AP2A2: variants seen among roughly 807,000 people sequenced by gnomAD.
AP2A2 encodes the protein AP-2 complex subunit alpha-2.
Under a neutral mutation model 104.2 loss-of-function variants are expected in AP2A2, and 32 were observed. The ratio of observed to expected loss-of-function variants is 0.31; its 90% CI spans 0.23 to 0.41. The LOEUF is 0.41. AP2A2 is among the 10% of genes least tolerant of loss of function. AP2A2 has a pLI of 1.00. For synonymous variants in AP2A2, 539 were observed against 533.3 expected, an observed-to-expected ratio of 1.01 and a Z score of -0.15; for missense variants, 912 against 1,261.0, an observed-to-expected ratio of 0.72 and a Z score of 4.19.
intron 1 of AP2A2, among the ~76,000 whole-genome samples, chr11:950,799 G>C (rs1854025771): frequency 6.6e-6 from 1 of 152,122 alleles, no homozygotes; most frequent in Non-Finnish European, 1.5e-5. Flanking sequence ...AAAAATTGAT[G>C]AAGTGTTAGG....
chr11:994,061 T>C lies in AP2A2; in HGVS notation c.1783-11T>C. On this transcript the variant is annotated splice_polypyrimidine_tract_variant and intron_variant, in intron 13 of 21. Coordinates refer to ENST00000448903, the MANE Select transcript of AP2A2 (RefSeq NM_012305.4). ...GAGCTCTGACCAGTCCCACCCTGTG[T>C]TCTTTCCAAGGCGACCGTGCTGGAG... is the stretch of plus-strand genomic sequence containing the variant. The C allele has an allele frequency of 1.9e-6, 3 of 1,612,346 alleles. No homozygotes were observed. The highest frequency in any genetic ancestry group is 2.5e-6 in the Non-Finnish European group (3 of 1,179,562).
chr11:965,489 C>T (rs998168333), intron 2 of AP2A2, among the ~76,000 whole-genome samples: 1 of 152,162 alleles, frequency 6.6e-6, no homozygotes, highest in African/African-American at 2.4e-5. Flanking sequence ...TAGGTGTGAC[C>T]ATCTGATGTG....
chr11:979,882 A>T (rs1056416389), intron 5 of AP2A2, among the ~76,000 whole-genome samples: 5 of 152,204 alleles, frequency 3.3e-5, no homozygotes, highest in African/African-American at 1.2e-4. Context: ...ACACTTCCTG[A>T]GCTCACTGTT....
chr11:941,469 A>T (rs539671207), intron 1 of AP2A2, among the ~76,000 whole-genome samples: 8 of 151,950 alleles, frequency 5.3e-5, no homozygotes, highest in Non-Finnish European at 1.0e-4. Context: ...TTTTTTAGAG[A>T]TGGGGTCTTA....
At chr11:1,009,497 G>T in intron 20 of AP2A2, 100 bp downstream of exon 20, 1 of 1,400,310 alleles carries the variant, frequency 7.1e-7, no homozygotes, top group Non-Finnish European at 9.8e-7. Flanking sequence ...CCATGACCCC[G>T]CGCCAGGGTC....
intron 2 of AP2A2, among the ~76,000 whole-genome samples, chr11:967,732 A>G (rs1854669899): frequency 1.3e-5 from 2 of 152,132 alleles, no homozygotes; most frequent in African/African-American, 2.4e-5. Flanking sequence ...TGAGACCACA[A>G]GACAAGCAAG....
chr11:935,248 G>T (rs115117061), intron 1 of AP2A2, among the ~76,000 whole-genome samples: 1 of 151,990 alleles, frequency 6.6e-6, no homozygotes, highest in East Asian at 1.9e-4. Context: ...TAGTAGAGAC[G>T]GACTTTCACC....
chr11:1,007,639 C>G (rs1856254847), intron 17 of AP2A2: 2 of 303,804 alleles, frequency 6.6e-6, no homozygotes, highest in South Asian at 6.7e-5. Context: ...CTCGCTGTTT[C>G]AGGAGCCTGC....
At chr11:954,882 T>C (rs1261764568) in intron 1 of AP2A2, among the ~76,000 whole-genome samples, 1 of 152,234 alleles carries the variant, frequency 6.6e-6, no homozygotes, top group African/African-American at 2.4e-5. Context: ...CTCTACATTA[T>C]GTGCTGTTTG....
At chr11:937,120 A>G (rs1485451356) in intron 1 of AP2A2, among the ~76,000 whole-genome samples, 1 of 151,956 alleles carries the variant, frequency 6.6e-6, no homozygotes, top group East Asian at 1.9e-4. Flanking sequence ...TCTGGGTTCA[A>G]GTGATTCTCC....
chr11:993,701 T>C lies in AP2A2; in HGVS notation c.1551-53T>C. ...CCGTCCCCCCCCCGCGGGGGCGTGC[T>C]GCAGCCTGCGAGGGGACGACGGTGT... On this transcript the variant is annotated intron_variant, in intron 12 of 21. Coordinates refer to ENST00000448903, the MANE Select transcript of AP2A2 (RefSeq NM_012305.4). The surrounding 1 kb of genome is among the most constrained non-coding windows in gnomAD (Gnocchi z 8.2). The C allele has an allele frequency of 7.0e-7, 1 of 1,420,854 alleles. No individual in the cohort carries two copies. The allele number at this position is 1,420,854 out of a possible 1,614,324, so 88.0% of individuals were successfully genotyped here.
chr11:985,746 C>A, intron 8 of AP2A2, 164 bp downstream of exon 8: 1 of 994,812 alleles, frequency 1.0e-6, no homozygotes, highest in Non-Finnish European at 1.5e-6. Context: ...TTCTGTGCAG[C>A]CCGGCCCCTC....
At chr11:983,672 C>CAT (rs1554889419) in intron 6 of AP2A2, among the ~76,000 whole-genome samples, 2 of 152,182 alleles carry the variant, frequency 1.3e-5, no homozygotes, top group African/African-American at 2.4e-5. Flanking sequence ...CGGGAGCCAC[C>CAT]GCACCTGGCC....
intron 18 of AP2A2, chr11:1,008,408 T>C (rs1856283880): frequency 9.6e-6 from 4 of 416,816 alleles, no homozygotes; most frequent in Admixed American, 4.2e-5. Context: ...GCCCACCTCA[T>C]GGGGTGGCAG....
chr11:1,009,878 C>T lies in AP2A2; in HGVS notation c.2742+61C>T, dbSNP rs781051358. 70 of 1,512,218 alleles carry T rather than the reference C, an allele frequency of 4.6e-5. 1 individual carries two copies. The highest frequency in any genetic ancestry group is 2.0e-4 in the East Asian group (8 of 40,050). The allele number at this position is 1,512,218 out of a possible 1,614,324, so 93.7% of individuals were successfully genotyped here. A position where few individuals can be genotyped will look rare whatever the true frequency, so the allele number is the denominator to read the frequency against. ...TTGCTTTTTATTCTGGCACAATGTA[C>T]GTGGTGAGATGTGTAGCTCTTTAGT... is the stretch of plus-strand genomic sequence containing the variant. On this transcript the variant is annotated intron_variant, in intron 21 of 21. Transcript: ENST00000448903.
At position 992,831 on chromosome 11, in the gene AP2A2, C is replaced by T. The variant is rs2133739726; in HGVS notation, c.1452+146C>T. 1 of 833,648 alleles carries T rather than the reference C, an allele frequency of 1.2e-6. No individual in the cohort carries two copies. Among genetic ancestry groups the T allele is most frequent in the Non-Finnish European group, 1.9e-6 (1 of 519,226 alleles). The allele number at this position is 833,648 out of a possible 1,614,324, so 51.6% of individuals were successfully genotyped here. On this transcript the variant is annotated intron_variant, in intron 11 of 21. Transcript: ENST00000448903. This position sits in a 1 kb window ranked among gnomAD's most constrained non-coding sequence, Gnocchi z 6.4. ...TCAGCTCTTCCCTGAGGCTCTAGCT[C>T]CTCCACTGTTGGTGCCCCTTGCTGA...
At chr11:928,292 A>C (rs577800914) in intron 1 of AP2A2, among the ~76,000 whole-genome samples, 2 of 152,358 alleles carry the variant, frequency 1.3e-5, no homozygotes, top group East Asian at 3.8e-4. Context: ...ATATCATTAC[A>C]GTTCTTTTTT....
At chr11:962,442 C>T (rs1369805886) in intron 2 of AP2A2, among the ~76,000 whole-genome samples, 4 of 152,180 alleles carry the variant, frequency 2.6e-5, no homozygotes, top group African/African-American at 7.2e-5. Flanking sequence ...GTTAAATTTA[C>T]AAACTCTCTG....
chr11:965,417 C>T (rs1200285885), intron 2 of AP2A2, among the ~76,000 whole-genome samples: 1 of 152,198 alleles, frequency 6.6e-6, no homozygotes. Flanking sequence ...ATTTGTTTGC[C>T]ATCAAGAAGA....
Sources: gnomAD v4.1 joint callset for allele counts (sites outside exome capture counted in the v4.1 genomes callset) on GRCh38, gnomAD v4.1.1 for gene constraint, Gnocchi (gnomAD v3.1) non-coding constraint, MANE v1.5 for transcripts, NCBI Gene and HGNC (gene_info 2026-07-23, HGNC 2026-07-21) for gene names.